Variants in LRBA observed in about 807,000 individuals in gnomAD.
LRBA encodes LPS responsive beige-like anchor protein.
LRBA carries 176 observed loss-of-function variants against 330.0 expected under a neutral mutation model. The ratio of observed to expected loss-of-function variants is 0.53; its 90% CI spans 0.47 to 0.60. The LOEUF is 0.60. Ranked by LOEUF, LRBA falls within the 20% of genes least tolerant of loss-of-function variation. The pLI is 0.00. For synonymous variants in LRBA, 1,230 were observed against 1,193.0 expected (o/e 1.03, Z -0.64); for missense variants, 3,259 against 3,444.8 (o/e 0.95, Z 1.35).
chr4:150,363,207 C>A (rs182071031), intron 47 of LRBA, among the ~76,000 whole-genome samples: 1 of 152,032 alleles, frequency 6.6e-6, no homozygotes, highest in African/African-American at 2.4e-5. Context: ...TTGTTCACAG[C>A]GCTTCTTATA....
chr4:150,655,894 T>A (rs1780138947), intron 37 of LRBA, among the ~76,000 whole-genome samples: 1 of 152,242 alleles, frequency 6.6e-6, no homozygotes, highest in African/African-American at 2.4e-5. Flanking sequence ...AGGTTCTATA[T>A]TACTGTATTG....
chr4:150,777,329 C>G (rs1578749780), intron 34 of LRBA, among the ~76,000 whole-genome samples: 1 of 151,650 alleles, frequency 6.6e-6, no homozygotes, highest in African/African-American at 2.4e-5. Context: ...TAATACTACC[C>G]TTTTTTATAA....
chr4:150,432,638 A>G (rs1750587880), intron 46 of LRBA, among the ~76,000 whole-genome samples: 1 of 151,176 alleles, frequency 6.6e-6, no homozygotes, highest in Non-Finnish European at 1.5e-5. Context: ...GTAGAGACGG[A>G]GTTTCACCGT....
chr4:150,687,879 AAATT>A (rs1211325647), intron 36 of LRBA, among the ~76,000 whole-genome samples: 1 of 152,202 alleles, frequency 6.6e-6, no homozygotes, highest in African/African-American at 2.4e-5. Context: ...CATACTATCC[AAATT>A]AATTTATAGA....
At chr4:150,647,012 G>A (rs886468923) in intron 37 of LRBA, among the ~76,000 whole-genome samples, 12 of 151,982 alleles carry the variant, frequency 7.9e-5, no homozygotes, top group Non-Finnish European at 1.5e-4. Context: ...TTAACAGAAC[G>A]AAGAACATGG....
In LRBA at chr4:151,014,612, G is replaced by T. The variant is rs1745228616; in HGVS notation, c.31C>A (p.Pro11Thr). 3.7e-6 allele frequency: 6 copies of T among 1,607,966 alleles called. No individual in the cohort carries two copies. In the East Asian group the frequency reaches 1.1e-4, roughly 30 times the overall value. Residue 11 changes from proline (P) to threonine (T), a missense_variant, in exon 2 of 57, where the codon CCG (proline) becomes ACG (threonine). Physicochemically the swap from Pro to Thr is conservative, Grantham distance 38 (BLOSUM62 -1). Transcript: ENST00000651943. MASEDNRVPS[P>T]PPTGDDGGGG... ...CCCCCGTCATCACCTGTTGGTGGCGGGGAAGGGACACGATTGTCTTCGCTA... is the reference window on the plus strand; with the variant it reads ...CCCCCGTCATCACCTGTTGGTGGCGTGGAAGGGACACGATTGTCTTCGCTA...
At chr4:150,461,586 G>T (rs1351089989) in intron 44 of LRBA, among the ~76,000 whole-genome samples, 1 of 151,666 alleles carries the variant, frequency 6.6e-6, no homozygotes, top group East Asian at 1.9e-4. Flanking sequence ...TTTTGTGAAG[G>T]TTAAAGGAAT....
intron 22 of LRBA, among the ~76,000 whole-genome samples, chr4:150,857,416 T>C (rs1751354199): frequency 6.6e-6 from 1 of 152,156 alleles, no homozygotes; most frequent in Admixed American, 6.5e-5. Context: ...TTGCAGCAAA[T>C]AACTTCTAAT....
At chr4:150,942,159 G>C (rs2149528447) in intron 2 of LRBA, among the ~76,000 whole-genome samples, 1 of 152,242 alleles carries the variant, frequency 6.6e-6, no homozygotes, top group South Asian at 2.1e-4. Flanking sequence ...CAAATCTGCT[G>C]TTTTAGGACC....
At chr4:150,401,235 C>T (rs927762236) in intron 47 of LRBA, among the ~76,000 whole-genome samples, 2 of 152,228 alleles carry the variant, frequency 1.3e-5, no homozygotes, top group East Asian at 1.9e-4. Flanking sequence ...ACTCCATGAT[C>T]TCAGACTTAA....
intron 34 of LRBA, among the ~76,000 whole-genome samples, chr4:150,766,133 T>C (rs575539609): frequency 6.6e-6 from 1 of 152,224 alleles, no homozygotes; most frequent in Non-Finnish European, 1.5e-5. Context: ...TAACCTTCAG[T>C]AATTATTACA....
At chr4:151,011,748 C>T (rs911116666) in intron 2 of LRBA, among the ~76,000 whole-genome samples, 1 of 151,882 alleles carries the variant, frequency 6.6e-6, no homozygotes, top group Non-Finnish European at 1.5e-5. Context: ...GATTGTAGCT[C>T]ACTGTAGCCT....
At chr4:150,860,652 C>G (rs1472652827) in intron 22 of LRBA, among the ~76,000 whole-genome samples, 1 of 151,910 alleles carries the variant, frequency 6.6e-6, no homozygotes, top group East Asian at 1.9e-4. Context: ...ATGGTGAAAC[C>G]TCTTCTCTAC....
At chr4:150,540,800 A>ACT (rs1339361832) in intron 40 of LRBA, among the ~76,000 whole-genome samples, 1 of 152,206 alleles carries the variant, frequency 6.6e-6, no homozygotes, top group Non-Finnish European at 1.5e-5. Flanking sequence ...ATCAACTTTA[A>ACT]AGAACATCTT....
chr4:150,779,503 TAAG>T (rs1201423011), intron 34 of LRBA, among the ~76,000 whole-genome samples: 58 of 152,120 alleles, frequency 3.8e-4, no homozygotes, highest in Admixed American at 3.5e-3. Flanking sequence ...CTTAAGTTGA[TAAG>T]GAGGAGTTCA....
At chr4:150,799,593 G>C (rs1017383716) in intron 33 of LRBA, among the ~76,000 whole-genome samples, 1 of 152,192 alleles carries the variant, frequency 6.6e-6, no homozygotes, top group Non-Finnish European at 1.5e-5. Flanking sequence ...TAGAATTCCT[G>C]CCATTGGGCC....
intron 34 of LRBA, among the ~76,000 whole-genome samples, chr4:150,777,780 C>A (rs1228961800): frequency 2.6e-5 from 4 of 151,878 alleles, no homozygotes; most frequent in Admixed American, 2.6e-4. Context: ...GAAATTGAGA[C>A]CATCCTGGCC....
rs528559473 is a variant in LRBA at position 150,824,787 on chromosome 4, T to C, written c.5171+3393A>G. On this transcript the variant is annotated intron_variant, in intron 30 of 56. Coordinates refer to ENST00000651943, the MANE Select transcript of LRBA (RefSeq NM_001364905.1). ...CATTATGCATCAATTTTTAAAAAGT[T>C]TCTTTGAGACAAGTTCTCCCTCTGT... Among the ~76,000 whole-genome samples, 3 of 152,310 alleles carry C rather than the reference T, an allele frequency of 2.0e-5. No homozygotes were observed. The East Asian group carries it at 5.8e-4, about 29-fold the overall frequency.
At chr4:150,929,731 G>A (rs762492797) in intron 2 of LRBA, among the ~76,000 whole-genome samples, 8 of 152,152 alleles carry the variant, frequency 5.3e-5, no homozygotes, top group East Asian at 3.9e-4. Context: ...TAAATAAATC[G>A]TAATTGTGTA....
Sources: allele counts gnomAD v4.1 joint callset (sites outside exome capture counted in the v4.1 genomes callset), GRCh38; gene constraint gnomAD v4.1.1; transcripts MANE v1.5; gene names NCBI Gene and HGNC (gene_info 2026-07-23, HGNC 2026-07-21).